RAB11FIP5: variants seen among roughly 807,000 people sequenced by gnomAD.
RAB11FIP5 encodes the protein RAB11 family interacting protein 5, also known as rab11 family-interacting protein 5.
RAB11FIP5 carries 48 observed loss-of-function variants against 85.1 expected under a neutral mutation model. The observed-to-expected ratio is 0.56, with a 90% CI of 0.45 to 0.72. The LOEUF is 0.72. RAB11FIP5 is among the 30% of genes least tolerant of loss of function. The probability of loss-of-function intolerance (pLI) is 0.00; values close to 1 mark genes in which losing one functional copy is unlikely to be tolerated. For synonymous variants in RAB11FIP5, 729 were observed against 727.3 expected, an observed-to-expected ratio of 1.00 and a Z score of -0.04; for missense variants, 1,491 against 1,687.0, an observed-to-expected ratio of 0.88 and a Z score of 2.04.
chr2:73,077,759 T>C (rs987566739), intron 4 of RAB11FIP5, among the ~76,000 whole-genome samples: 4 of 152,328 alleles, frequency 2.6e-5, no homozygotes, highest in African/African-American at 9.6e-5. Flanking sequence ...ATGACCCTTC[T>C]CTGGGATCCT....
chr2:73,080,281 G>A lies in RAB11FIP5; in HGVS notation c.2951C>T (p.Pro984Leu). The A allele has an allele frequency of 3.2e-6, 4 of 1,232,938 alleles. No homozygotes were observed. Among genetic ancestry groups the A allele is most frequent in the Non-Finnish European group, 4.0e-6 (4 of 988,644 alleles). The allele number at this position is 1,232,938 out of a possible 1,614,324, so 76.4% of individuals were successfully genotyped here. Residue 984 changes from proline (P) to leucine (L), a missense_variant, in exon 4 of 6, where the codon CCC (proline) becomes CTC (leucine). Coordinates refer to ENST00000486777, the MANE Select transcript of RAB11FIP5 (RefSeq NM_001371272.1). ...AGACAGGCAGGGCCCAGACACAGGGGGGCTGGCATCCTCCACTAGCTCTTC... is the reference window on the plus strand; with the variant it reads ...AGACAGGCAGGGCCCAGACACAGGGAGGCTGGCATCCTCCACTAGCTCTTC... ...GLEELVEDAS[P>L]PVSGPCLSAP...
chr2:73,107,167 T>C (rs1017536889), intron 1 of RAB11FIP5, among the ~76,000 whole-genome samples: 6 of 152,246 alleles, frequency 3.9e-5, no homozygotes, highest in African/African-American at 1.4e-4. Context: ...TTTTTATTAC[T>C]TGGCTGTGGG....
In RAB11FIP5 at chr2:73,112,343, T is replaced by C. The variant is rs777533452; in HGVS notation, c.431+4A>G. On this transcript the variant is annotated splice_donor_region_variant and intron_variant, in intron 1 of 5. Transcript: ENST00000486777. ...GTTTCTGTGCCCCCGCGCCCCCTAC[T>C]CACTGCGTGTGCTGGGCGCGGCCTG... 1.3e-6 allele frequency: 2 copies of C among 1,577,224 alleles called. No homozygotes were observed. Among genetic ancestry groups the C allele is most frequent in the Admixed American group, 1.8e-5 (1 of 55,328 alleles).
chr2:73,107,337 A>G (rs1268694173), intron 1 of RAB11FIP5, among the ~76,000 whole-genome samples: 1 of 152,224 alleles, frequency 6.6e-6, no homozygotes, highest in Non-Finnish European at 1.5e-5. Context: ...AGGCCAGGCC[A>G]GTGGTTTAGA....
At chr2:73,096,291 TGG>T (rs1364154400) in intron 1 of RAB11FIP5, among the ~76,000 whole-genome samples, 2 of 152,200 alleles carry the variant, frequency 1.3e-5, no homozygotes, top group African/African-American at 4.8e-5. Flanking sequence ...AAAATGAAGC[TGG>T]GCTAACCAAT....
intron 3 of RAB11FIP5, among the ~76,000 whole-genome samples, chr2:73,082,779 G>C (rs1684011788): frequency 6.6e-6 from 1 of 152,204 alleles, no homozygotes; most frequent in African/African-American, 2.4e-5. Context: ...AACGCCCCCT[G>C]CACTGGTGCT....
Position 73,081,551 on chromosome 2 carries a change from G to T in RAB11FIP5, c.1681C>A (p.Leu561Ile). 1.7e-6 allele frequency: 2 copies of T among 1,210,956 alleles called. No individual in the cohort carries two copies. The highest frequency in any genetic ancestry group is 2.1e-6 in the Non-Finnish European group (2 of 968,456). The allele number at this position is 1,210,956 out of a possible 1,614,324, so 75.0% of individuals were successfully genotyped here. A position where few individuals can be genotyped will look rare whatever the true frequency, so the allele number is the denominator to read the frequency against. Residue 561 changes from leucine to isoleucine, a missense_variant, in exon 4 of 6, where the codon CTA becomes ATA. Coordinates refer to ENST00000486777, the MANE Select transcript of RAB11FIP5 (RefSeq NM_001371272.1). This position sits in a 1 kb window ranked among gnomAD's most constrained non-coding sequence, Gnocchi z 4.2. ...PTPAPTAAPM[L>I]STNLFAAASP... is the part of the protein sequence containing the mutation. ...GCGGCTGCAAAAAGGTTAGTGCTTAGCATGGGAGCAGCAGTGGGAGCAGGA... is the reference window on the plus strand; with the variant it reads ...GCGGCTGCAAAAAGGTTAGTGCTTATCATGGGAGCAGCAGTGGGAGCAGGA...
chr2:73,108,249 G>A (rs1461558408), intron 1 of RAB11FIP5, among the ~76,000 whole-genome samples: 1 of 152,186 alleles, frequency 6.6e-6, no homozygotes, highest in African/African-American at 2.4e-5. Flanking sequence ...AAGACAAACT[G>A]ATCCCAACCC....
intron 1 of RAB11FIP5, among the ~76,000 whole-genome samples, chr2:73,110,047 G>A (rs1486021491): frequency 6.6e-6 from 1 of 152,150 alleles, no homozygotes; most frequent in South Asian, 2.1e-4. Flanking sequence ...GGCAGTTTTG[G>A]GACTGGGATC....
rs1684092615 is a variant in RAB11FIP5, at chr2:73,086,547, G to C, written c.1568+1503C>G. On this transcript the variant is annotated intron_variant, in intron 3 of 5. Coordinates refer to ENST00000486777, the MANE Select transcript of RAB11FIP5 (RefSeq NM_001371272.1). This position sits in a 1 kb window ranked among gnomAD's most constrained non-coding sequence, Gnocchi z 4.4. ...CAGAAAAGGCCCAGAGACACCGTAC[G>C]CACAACCACACTGAGCCTGTGCTCT... 6.6e-6 allele frequency among the ~76,000 whole-genome samples: 1 copy of C among 152,138 alleles called. No homozygotes were observed. Among genetic ancestry groups the C allele is most frequent in the Non-Finnish European group, 1.5e-5 (1 of 68,032 alleles).
Position 73,079,880 on chromosome 2 carries a change from G to A in RAB11FIP5, c.3352C>T (p.Arg1118Cys), listed in dbSNP as rs1050195799. The change falls in exon 4 of 6, where the codon CGT (arginine) becomes TGT (cysteine). Residue 1118 changes from arginine to cysteine, a missense_variant. By Grantham distance (180) the Arg-to-Cys change is radical. Transcript: ENST00000486777. ...GAGCATGGAGGGCTGGGCCCCCCAC[G>A]GTGGTGGCTGGCCCAAGGCGGGAGA... The part of the protein sequence containing the change: ...PPLPPWASHH[R>C]GGPSPPCSPL... 3.2e-5 allele frequency: 40 copies of A among 1,232,348 alleles called. No homozygotes were observed. The highest frequency in any genetic ancestry group is 3.1e-4 in the Middle Eastern group (1 of 3,234). The allele number at this position is 1,232,348 out of a possible 1,614,324, so 76.3% of individuals were successfully genotyped here. A position where few individuals can be genotyped will look rare whatever the true frequency, so the allele number is the denominator to read the frequency against.
Position 73,074,984 on chromosome 2 carries a change from C to A in RAB11FIP5, c.*537G>T, listed in dbSNP as rs1167037546. 8.5e-6 allele frequency: 3 copies of A among 353,560 alleles called. No homozygotes were observed. The highest frequency in any genetic ancestry group is 6.4e-5 in the African/African-American group (3 of 46,694). 21.9% of individuals were successfully genotyped at this position (353,560 alleles called of 1,614,324 possible). On this transcript the variant is annotated 3_prime_UTR_variant, in exon 6 of 6. Transcript: ENST00000486777. ...TGGCCCAGACCACACAGGCTTCTTGCTCTCAGGGGAATGGGTGTGAGGCTG... is the reference window on the plus strand; with the variant it reads ...TGGCCCAGACCACACAGGCTTCTTGATCTCAGGGGAATGGGTGTGAGGCTG...
chr2:73,112,509 T>G lies in RAB11FIP5; in HGVS notation c.269A>C (p.Glu90Ala). 3.3e-6 allele frequency: 5 copies of G among 1,502,674 alleles called. No individual in the cohort carries two copies. In the Admixed American group the frequency reaches 1.2e-4, roughly 35 times the overall value. The allele number at this position is 1,502,674 out of a possible 1,614,324, so 93.1% of individuals were successfully genotyped here. ...CCAGGGCGCCGGGCCCGCGTCGGCC[T>G]CCTGCGCCCGCAGCAGGCCATCCAG... is the stretch of plus-strand genomic sequence containing the variant. ...GALDGLLRAQ[E>A]ADAGPAPWAA... Residue 90 changes from glutamate to alanine, a missense_variant, in exon 1 of 6, where the codon GAG becomes GCG. Around this residue, in one of 3 missense-constraint regions of RAB11FIP5, gnomAD observed 1,211 missense variants for 1,338.0 expected, o/e 0.91. Transcript: ENST00000486777.
chr2:73,083,392 CA>C (rs2106106014), intron 3 of RAB11FIP5, among the ~76,000 whole-genome samples: 1 of 152,306 alleles, frequency 6.6e-6, no homozygotes, highest in Non-Finnish European at 1.5e-5. Flanking sequence ...GTCAGCCTCA[CA>C]GGTCCCAAAC....
rs755476593 is a variant in RAB11FIP5 at position 73,089,067 on chromosome 2, T to A, written c.680A>T (p.Lys227Met). 6.2e-7 allele frequency: 1 copy of A among 1,614,224 alleles called. No homozygotes were observed. Among genetic ancestry groups the A allele is most frequent in the Non-Finnish European group, 8.5e-7 (1 of 1,180,032 alleles). The change falls in exon 2 of 6, where the codon AAG (lysine) becomes ATG (methionine). Residue 227 changes from lysine to methionine, a missense_variant. Physicochemically the swap from Lys to Met is moderately conservative, Grantham distance 95 (BLOSUM62 -1). Coordinates refer to ENST00000486777, the MANE Select transcript of RAB11FIP5 (RefSeq NM_001371272.1). This position sits in a 1 kb window ranked among gnomAD's most constrained non-coding sequence, Gnocchi z 4.6. ...GAAGAAGCCTTTGGCTTTGCCCATC[T>A]TGCCCAGGCTGCCCAGGTCAGGATC... ...IEDPDLGSLGKMGKAKGFFLR... is the reference protein window; with the variant it reads ...IEDPDLGSLGMMGKAKGFFLR...
Position 73,088,724 on chromosome 2 carries a change from C to T in RAB11FIP5, c.894G>A (p.Lys298=). 1 of 1,606,740 alleles carries T rather than the reference C, an allele frequency of 6.2e-7. No homozygotes were observed. The highest frequency in any genetic ancestry group is 8.5e-7 in the Non-Finnish European group (1 of 1,176,978). Residue 298 remains lysine, a synonymous_variant, in exon 3 of 6, where the codon AAG becomes AAA. Transcript: ENST00000486777. ...TGTAGGTCCTCTTATGGGTGAACAGCTTGGGGGACTGTGCAGAGTCCCTGC... is the reference window on the plus strand; with the variant it reads ...TGTAGGTCCTCTTATGGGTGAACAGTTTGGGGGACTGTGCAGAGTCCCTGC... The part of the protein sequence containing the change: ...EGGRDSAQSP[K]LFTHKRTYSD...
intron 1 of RAB11FIP5, among the ~76,000 whole-genome samples, chr2:73,097,807 T>C (rs1475307828): frequency 1.3e-5 from 2 of 152,222 alleles, no homozygotes; most frequent in African/African-American, 4.8e-5. Flanking sequence ...AGAATCTCAC[T>C]AACTTCCCTG....
intron 1 of RAB11FIP5, among the ~76,000 whole-genome samples, chr2:73,101,564 C>T (rs936209494): frequency 6.6e-6 from 1 of 152,158 alleles, no homozygotes; most frequent in Admixed American, 6.5e-5. Context: ...ACTGACACTC[C>T]TGCTCCCACC....
At chr2:73,105,969 G>T (rs573124765) in intron 1 of RAB11FIP5, among the ~76,000 whole-genome samples, 13 of 152,242 alleles carry the variant, frequency 8.5e-5, no homozygotes, top group African/African-American at 2.2e-4. Flanking sequence ...GAGGCAAGAG[G>T]ATCACTTGAG....
Sources: allele counts gnomAD v4.1 joint callset (sites outside exome capture counted in the v4.1 genomes callset), GRCh38; gene constraint gnomAD v4.1.1; regional missense constraint gnomAD v4.1.1; non-coding constraint Gnocchi (gnomAD v3.1); transcripts MANE v1.5; gene names NCBI Gene and HGNC (gene_info 2026-07-23, HGNC 2026-07-21).